COLQ: variants seen among roughly 807,000 people sequenced by gnomAD.
The protein encoded by COLQ is collagen like tail subunit of asymmetric acetylcholinesterase.
COLQ carries 48 observed loss-of-function variants against 69.0 expected under a neutral mutation model. The observed-to-expected ratio is 0.70, with a 90% CI of 0.55 to 0.88. The LOEUF (loss-of-function observed/expected upper bound fraction) is 0.88, where lower values mean the gene tolerates loss of function less well. Ranked by LOEUF, COLQ falls within the 40% of genes least tolerant of loss-of-function variation. COLQ has a pLI of 0.00. For missense variants in COLQ, 618 were observed against 594.6 expected, an observed-to-expected ratio of 1.04 and a Z score of -0.41; for synonymous variants, 217 against 211.2, an observed-to-expected ratio of 1.03 and a Z score of -0.24.
At chr3:15,475,008 T>G (rs1435183136) in intron 7 of COLQ, 57 bp from the exon 8 acceptor site, 2 of 1,578,006 alleles carry the variant, frequency 1.3e-6, no homozygotes, top group Non-Finnish European at 1.7e-6. Context: ...CTGAGTTTGG[T>G]GGAAGAATAG....
intron 3 of COLQ, among the ~76,000 whole-genome samples, chr3:15,483,335 C>T (rs1040762952): frequency 1.3e-4 from 20 of 152,226 alleles, no homozygotes; most frequent in Non-Finnish European, 2.2e-4. Flanking sequence ...TTCCTGCTTT[C>T]TCTTGTGGGC....
intron 12 of COLQ, among the ~76,000 whole-genome samples, chr3:15,462,352 C>T (rs928619809): frequency 2.0e-5 from 3 of 152,128 alleles, no homozygotes; most frequent in Non-Finnish European, 2.9e-5. Context: ...TTAACTCCTT[C>T]CTTGCCCTCT....
At chr3:15,501,198 T>C (rs1448997668) in intron 1 of COLQ, among the ~76,000 whole-genome samples, 3 of 152,176 alleles carry the variant, frequency 2.0e-5, no homozygotes, top group African/African-American at 7.2e-5. Context: ...AGGTGTCACA[T>C]TCACAGTATT....
intron 7 of COLQ, 97 bp downstream of exon 7, chr3:15,475,328 C>A: frequency 8.4e-7 from 1 of 1,190,796 alleles, no homozygotes. Context: ...TTCCCTAGTC[C>A]GGGACTGCAG....
intron 1 of COLQ, among the ~76,000 whole-genome samples, chr3:15,513,181 C>G (rs1048766689): frequency 5.3e-5 from 8 of 152,158 alleles, no homozygotes; most frequent in African/African-American, 1.9e-4. Flanking sequence ...GGTTCCATGG[C>G]CCGCTGGATC....
intron 1 of COLQ, among the ~76,000 whole-genome samples, chr3:15,502,829 C>A (rs1455535639): frequency 6.6e-6 from 1 of 152,222 alleles, no homozygotes; most frequent in Non-Finnish European, 1.5e-5. Flanking sequence ...AGGAGCATTG[C>A]CTGCGCTGCA....
At chr3:15,483,837 G>T (rs1312072013) in intron 3 of COLQ, among the ~76,000 whole-genome samples, 4 of 152,022 alleles carry the variant, frequency 2.6e-5, no homozygotes, top group East Asian at 1.9e-4. Context: ...ATTATTATTG[G>T]GTGGGAGTCT....
At chr3:15,479,599 C>T (rs756719043) in intron 3 of COLQ, among the ~76,000 whole-genome samples, 19 of 152,122 alleles carry the variant, frequency 1.2e-4, no homozygotes, top group Non-Finnish European at 1.8e-4. Flanking sequence ...TCCAGTGGCT[C>T]CATGGTTGCA....
At chr3:15,501,111 C>T (rs2062823002) in intron 1 of COLQ, among the ~76,000 whole-genome samples, 1 of 152,244 alleles carries the variant, frequency 6.6e-6, no homozygotes, top group Admixed American at 6.5e-5. Context: ...AGCCTGGCAC[C>T]AGTTCACCAC....
At chr3:15,498,314 A>T (rs2062778398) in intron 1 of COLQ, among the ~76,000 whole-genome samples, 1 of 152,210 alleles carries the variant, frequency 6.6e-6, no homozygotes, top group Non-Finnish European at 1.5e-5. Flanking sequence ...TGCAACTTCA[A>T]CACTGGCTGA....
At chr3:15,517,946 T>C (rs1424289583) in intron 1 of COLQ, among the ~76,000 whole-genome samples, 1 of 152,098 alleles carries the variant, frequency 6.6e-6, no homozygotes, top group Non-Finnish European at 1.5e-5. Flanking sequence ...TAGTCTACTA[T>C]GTTTTGTTTG....
At chr3:15,517,640 C>T (rs73146191) in intron 1 of COLQ, among the ~76,000 whole-genome samples, 185 of 152,200 alleles carry the variant, frequency 1.2e-3, no homozygotes, top group Admixed American at 4.3e-3. Context: ...ACATGAACTT[C>T]AACAATAAAT....
intron 1 of COLQ, among the ~76,000 whole-genome samples, chr3:15,495,071 G>A (rs1433226913): frequency 4.2e-5 from 6 of 144,480 alleles, no homozygotes; most frequent in Non-Finnish European, 9.2e-5. Flanking sequence ...AGGCAGTCTG[G>A]TTCCGGAGCC....
In COLQ at chr3:15,518,738, G is replaced by A. The variant is rs1374124921; in HGVS notation, c.106+2782C>T. 2.6e-5 allele frequency among the ~76,000 whole-genome samples: 4 copies of A among 151,994 alleles called. No homozygotes were observed. In the East Asian group the frequency reaches 7.7e-4, roughly 29 times the overall value. On this transcript the variant is annotated intron_variant, in intron 1 of 16. Coordinates refer to ENST00000383788, the MANE Select transcript of COLQ (RefSeq NM_005677.4). ...CTTCCTCCATCACAACCCCTTTCCG[G>A]GGCATTTACCACACGCCACCTGTGT...
chr3:15,480,462 C>G (rs532839504), intron 3 of COLQ, among the ~76,000 whole-genome samples: 262 of 152,152 alleles, frequency 1.7e-3, no homozygotes, highest in East Asian at 7.5e-3. Flanking sequence ...ATAGTTTGCT[C>G]AGAATGATGG....
rs189926236 is a variant in COLQ, at chr3:15,474,954, A to G, written c.529-3T>C. 95 of 1,614,108 alleles carry G rather than the reference A, an allele frequency of 5.9e-5. 1 individual carries two copies. The highest frequency in any genetic ancestry group is 8.5e-7 in the Non-Finnish European group (1 of 1,179,986). On this transcript the variant is annotated splice_region_variant and splice_polypyrimidine_tract_variant and intron_variant, in intron 7 of 16. Transcript: ENST00000383788. Reference sequence around the variant, plus strand: ...TCCCCTCTGGATCCAGGGTAGCCCTAAAAGAAAGCAGAAGGTACATTTACA... The same window carrying G: ...TCCCCTCTGGATCCAGGGTAGCCCTGAAAGAAAGCAGAAGGTACATTTACA...
chr3:15,488,905 T>C (rs1222270266), intron 2 of COLQ, among the ~76,000 whole-genome samples: 1 of 152,212 alleles, frequency 6.6e-6, no homozygotes, highest in African/African-American at 2.4e-5. Flanking sequence ...GATAGCTACA[T>C]ATGGCTAGTG....
At chr3:15,459,365 C>T (rs2062072620) in intron 12 of COLQ, among the ~76,000 whole-genome samples, 1 of 152,204 alleles carries the variant, frequency 6.6e-6, no homozygotes, top group Non-Finnish European at 1.5e-5. Context: ...ACCCAGGATA[C>T]ACCTCAGACC....
At chr3:15,510,115 G>A (rs2062965002) in intron 1 of COLQ, among the ~76,000 whole-genome samples, 2 of 152,100 alleles carry the variant, frequency 1.3e-5, no homozygotes, top group African/African-American at 4.8e-5. Context: ...GGCAGAGCTT[G>A]CAGTGAGCCG....
Sources: gnomAD v4.1 joint callset for allele counts (sites outside exome capture counted in the v4.1 genomes callset) on GRCh38, gnomAD v4.1.1 for gene constraint, MANE v1.5 for transcripts, NCBI Gene and HGNC (gene_info 2026-07-23, HGNC 2026-07-21) for gene names.